The following ZMYND8 variants were observed in gnomAD, a reference collection of about 807,000 sequenced individuals.
ZMYND8 encodes the protein zinc finger MYND-type containing 8.
Under a neutral mutation model 140.8 loss-of-function variants are expected in ZMYND8, and 37 were observed. The observed-to-expected ratio is 0.26, with a 90% CI of 0.20 to 0.35. ZMYND8 has a LOEUF of 0.35. Ranked by LOEUF, ZMYND8 falls within the 10% of genes least tolerant of loss-of-function variation. The probability of loss-of-function intolerance (pLI) is 1.00; values close to 1 mark genes in which losing one functional copy is unlikely to be tolerated. For missense variants in ZMYND8, 1,068 were observed against 1,570.0 expected (o/e 0.68, Z 5.40); for synonymous variants, 592 against 597.1 (o/e 0.99, Z 0.12).
intron 18 of ZMYND8, among the ~76,000 whole-genome samples, chr20:47,225,887 A>T (rs1188299830): frequency 6.6e-6 from 1 of 152,048 alleles, no homozygotes; most frequent in African/African-American, 2.4e-5. Context: ...GCAGTGGATC[A>T]CATCTGTAAT....
At chr20:47,256,666 A>C (rs1032301179) in intron 12 of ZMYND8, among the ~76,000 whole-genome samples, 3 of 152,174 alleles carry the variant, frequency 2.0e-5, no homozygotes, top group Non-Finnish European at 2.9e-5. Context: ...GTCAAAGCCA[A>C]ACAGAGATCT....
Position 47,236,536 on chromosome 20 carries a change from T to C in ZMYND8, c.2666-20A>G. On this transcript the variant is annotated intron_variant, in intron 15 of 22. Transcript: ENST00000471951. ...GGACAGCTAGGAAGGCAAAGCATCC[T>C]GATTACCCCACGTGGGAAGGACCCA... is the stretch of plus-strand genomic sequence containing the variant. 2.6e-6 allele frequency: 4 copies of C among 1,539,926 alleles called. No homozygotes were observed. Among genetic ancestry groups the C allele is most frequent in the Non-Finnish European group, 3.5e-6 (4 of 1,142,938 alleles).
At chr20:47,253,666 T>C (rs1445358808) in intron 12 of ZMYND8, among the ~76,000 whole-genome samples, 1 of 152,112 alleles carries the variant, frequency 6.6e-6, no homozygotes, top group Non-Finnish European at 1.5e-5. Flanking sequence ...TTGCCTTAAC[T>C]CCTGTGTGTG....
At position 47,267,497 on chromosome 20, in the gene ZMYND8, G is replaced by A. The variant is rs200429166; in HGVS notation, c.1481-5069C>T. ...GTCTAAAATGGTTCAGGGCCGGGGC[G>A]GGGGGGGGGCAATTAAAAGACTGGG... On this transcript the variant is annotated intron_variant, in intron 11 of 22. Coordinates refer to ENST00000471951, the MANE Select transcript of ZMYND8 (RefSeq NM_001281775.3). Among the ~76,000 whole-genome samples, 234 of 83,556 alleles carry A rather than the reference G, an allele frequency of 2.8e-3. 2 individuals are homozygous for A. The highest frequency in any genetic ancestry group is 5.2e-3 in the Middle Eastern group (1 of 194). The allele number at this position is 83,556 out of a possible 152,430, so 54.8% of individuals were successfully genotyped here. A position where few individuals can be genotyped will look rare whatever the true frequency, so the allele number is the denominator to read the frequency against.
chr20:47,278,139 A>G (rs2076371702), intron 10 of ZMYND8, among the ~76,000 whole-genome samples: 1 of 152,044 alleles, frequency 6.6e-6, no homozygotes, highest in Admixed American at 6.6e-5. Flanking sequence ...ACACCCAGAT[A>G]ATTTTTTAAC....
intron 21 of ZMYND8, among the ~76,000 whole-genome samples, chr20:47,213,946 T>G (rs1168438352): frequency 6.6e-6 from 1 of 152,218 alleles, no homozygotes; most frequent in East Asian, 1.9e-4. Context: ...ACTATTTTAT[T>G]CTCTGCAACT....
chr20:47,335,772 G>A (rs906749841), intron 2 of ZMYND8, among the ~76,000 whole-genome samples: 1 of 152,176 alleles, frequency 6.6e-6, no homozygotes, highest in Non-Finnish European at 1.5e-5. Flanking sequence ...AGACACTGCC[G>A]ACAGGATTCC....
chr20:47,239,975 G>A (rs1287113745), intron 14 of ZMYND8, among the ~76,000 whole-genome samples: 1 of 152,190 alleles, frequency 6.6e-6, no homozygotes, highest in Non-Finnish European at 1.5e-5. Flanking sequence ...GGTGGCTCAC[G>A]CCTGTAATCC....
chr20:47,278,638 C>T (rs2076403405), intron 10 of ZMYND8, among the ~76,000 whole-genome samples: 1 of 152,054 alleles, frequency 6.6e-6, no homozygotes, highest in African/African-American at 2.4e-5. Flanking sequence ...GATCGTAACA[C>T]AAACTAAAAC....
At chr20:47,312,486 C>A in intron 2 of ZMYND8, among the ~76,000 whole-genome samples, 1 of 152,130 alleles carries the variant, frequency 6.6e-6, no homozygotes, top group East Asian at 1.9e-4. Flanking sequence ...GTCCAGAGAT[C>A]AAACCACAGA....
Position 47,292,523 on chromosome 20 carries a change from T to C in ZMYND8, c.568-635A>G, listed in dbSNP as rs185878918. On this transcript the variant is annotated intron_variant, in intron 5 of 22. Coordinates refer to ENST00000471951, the MANE Select transcript of ZMYND8 (RefSeq NM_001281775.3). ...AGTCCAATTTGTTAAAGGTTCTCAA[T>C]TGAAGGATATCCAATCAGCATGCTC... 7.2e-5 allele frequency among the ~76,000 whole-genome samples: 11 copies of C among 152,300 alleles called. No individual in the cohort carries two copies. In the East Asian group the frequency reaches 9.6e-4, roughly 13 times the overall value.
intron 16 of ZMYND8, among the ~76,000 whole-genome samples, chr20:47,230,731 A>G (rs1219602094): frequency 6.6e-6 from 1 of 152,148 alleles, no homozygotes; most frequent in Non-Finnish European, 1.5e-5. Flanking sequence ...ATACAATTCA[A>G]TGGCTTTTAG....
intron 21 of ZMYND8, among the ~76,000 whole-genome samples, chr20:47,219,565 G>A (rs932815147): frequency 6.6e-6 from 1 of 151,516 alleles, no homozygotes; most frequent in South Asian, 2.1e-4. Context: ...AGGTCCTGGA[G>A]CTGTGGTGCC....
intron 14 of ZMYND8, among the ~76,000 whole-genome samples, chr20:47,240,835 T>G (rs1467589640): frequency 1.3e-5 from 2 of 151,582 alleles, no homozygotes; most frequent in Non-Finnish European, 2.9e-5. Context: ...ATTACAGGCG[T>G]GAGCCAACGT....
At chr20:47,267,721 C>T (rs554988119) in intron 11 of ZMYND8, among the ~76,000 whole-genome samples, 14 of 152,328 alleles carry the variant, frequency 9.2e-5, no homozygotes, top group South Asian at 4.1e-4. Flanking sequence ...ATCCAACGTC[C>T]TCTCCAACCT....
chr20:47,253,138 C>A (rs183604930), intron 12 of ZMYND8, among the ~76,000 whole-genome samples: 6 of 152,318 alleles, frequency 3.9e-5, no homozygotes, highest in Admixed American at 3.9e-4. Flanking sequence ...TGGCTGCACA[C>A]CAAAATTGCC....
intron 11 of ZMYND8, among the ~76,000 whole-genome samples, chr20:47,273,136 T>G (rs2076058232): frequency 6.6e-6 from 1 of 152,214 alleles, no homozygotes; most frequent in Non-Finnish European, 1.5e-5. Flanking sequence ...TAATAGTGGT[T>G]GGCAAACTAT....
chr20:47,300,895 T>C (rs2077981467), intron 3 of ZMYND8, among the ~76,000 whole-genome samples: 1 of 94,370 alleles, frequency 1.1e-5, no homozygotes, highest in South Asian at 5.3e-4. Flanking sequence ...TGTGTGTGTG[T>C]GTGTGTGTGT....
chr20:47,285,953 G>C, intron 8 of ZMYND8: 1 of 566,888 alleles, frequency 1.8e-6, no homozygotes, highest in Non-Finnish European at 2.2e-6. Context: ...CGTCTTTGGA[G>C]GCTGAGGCAG....
Sources: allele counts gnomAD v4.1 joint callset (sites outside exome capture counted in the v4.1 genomes callset), GRCh38; gene constraint gnomAD v4.1.1; transcripts MANE v1.5; gene names NCBI Gene and HGNC (gene_info 2026-07-23, HGNC 2026-07-21).